CPA4: variants seen among roughly 807,000 people sequenced by gnomAD.
CPA4 encodes carboxypeptidase A3.
Under a neutral mutation model 54.7 loss-of-function variants are expected in CPA4, and 49 were observed. That is an observed-to-expected ratio of 0.90 (90% CI 0.71 to 1.14). The LOEUF (loss-of-function observed/expected upper bound fraction) is 1.14, where lower values mean the gene tolerates loss of function less well. Among genes scored for constraint, CPA4 ranks in the 50% most tolerant of loss-of-function variants. The pLI is 0.00. For missense variants in CPA4, 487 were observed against 525.1 expected (o/e 0.93, Z 0.71); for synonymous variants, 215 against 206.8 (o/e 1.04, Z -0.34).
In CPA4 at chr7:130,322,660, G is replaced by A. The variant is rs200631467; in HGVS notation, c.1250G>A (p.Arg417Gln). The A allele has an allele frequency of 1.1e-5, 17 of 1,613,670 alleles. No homozygotes were observed. Among genetic ancestry groups the A allele is most frequent in the Admixed American group, 1.7e-5 (1 of 59,968 alleles). ...CTGAAGACCATCATGGAGCATGTGC[G>A]GGACAACCTCTACTAGGCGATGGCT... is the stretch of plus-strand genomic sequence containing the variant. ...LGLKTIMEHV[R>Q]DNLY Residue 417 changes from arginine to glutamine, a missense_variant, in exon 11 of 11, where the codon CGG (arginine) becomes CAG (glutamine). Coordinates refer to ENST00000222482, the MANE Select transcript of CPA4 (RefSeq NM_016352.4).
chr7:130,305,896 C>T lies in CPA4; in HGVS notation c.567C>T (p.Ala189=). The part of the protein sequence containing the change: ...GIHSREWISQ[A]TAIWTARKIV... ...ATTCCCGAGAGTGGATCTCCCAGGC[C>T]ACTGCAATCTGGACGGCAAGGAAGG... The change falls in exon 6 of 11, where the codon GCC becomes GCT. Residue 189 remains alanine (A), a synonymous_variant. Transcript: ENST00000222482. 1 of 1,614,016 alleles carries T rather than the reference C, an allele frequency of 6.2e-7. No individual in the cohort carries two copies. The highest frequency in any genetic ancestry group is 8.5e-7 in the Non-Finnish European group (1 of 1,179,914).
At chr7:130,293,558 T>C (rs755391217) in intron 1 of CPA4, 4 of 287,946 alleles carry the variant, frequency 1.4e-5, no homozygotes, top group Non-Finnish European at 2.6e-5. Flanking sequence ...CCTTATTAAT[T>C]ACTAAGAGTT....
chr7:130,317,049 G>A (rs1167706260), intron 10 of CPA4, among the ~76,000 whole-genome samples: 1 of 152,084 alleles, frequency 6.6e-6, no homozygotes, highest in Non-Finnish European at 1.5e-5. Flanking sequence ...ATGGAGGTGA[G>A]CGCCTTATGG....
At chr7:130,298,248 A>G (rs1410408789) in intron 1 of CPA4, among the ~76,000 whole-genome samples, 1 of 152,230 alleles carries the variant, frequency 6.6e-6, no homozygotes, top group African/African-American at 2.4e-5. Context: ...TTCAGTCCTC[A>G]GCCCTGACAG....
chr7:130,302,294 C>A (rs1793750558), intron 4 of CPA4, among the ~76,000 whole-genome samples: 1 of 152,120 alleles, frequency 6.6e-6, no homozygotes, highest in African/African-American at 2.4e-5. Flanking sequence ...CAGGACCAGC[C>A]TGGCTAACAT....
In CPA4 at chr7:130,300,899, C is replaced by T. The variant is rs1793730550; in HGVS notation, c.369C>T (p.Tyr123=). 6.2e-7 allele frequency: 1 copy of T among 1,611,274 alleles called. No homozygotes were observed. Among genetic ancestry groups the T allele is most frequent in the African/African-American group, 1.3e-5 (1 of 74,972 alleles). The change falls in exon 4 of 11, where the codon TAC becomes TAT. Residue 123 remains tyrosine (Y), a synonymous_variant. Transcript: ENST00000222482. ...RSSNNFNYGA[Y]HSLEAIYHEM... ...GTAATAACTTCAACTACGGGGCTTA[C>T]CATTCCCTGGAAGCTGTAAGTGTTT...
chr7:130,323,336 C>T lies in CPA4; in HGVS notation c.*660C>T, dbSNP rs1167586210. 1.3e-5 allele frequency: 2 copies of T among 152,274 alleles called. No homozygotes were observed. Among genetic ancestry groups the T allele is most frequent in the Non-Finnish European group, 2.9e-5 (2 of 68,284 alleles). The allele number at this position is 152,274 out of a possible 1,614,324, so 9.4% of individuals were successfully genotyped here. The stretch of plus-strand genomic sequence containing the variant: ...CTGGGTTCAAGCAATTCTCCTGCCT[C>T]AGCCTCTTGAGTAGCTTGGTTTATA... On this transcript the variant is annotated 3_prime_UTR_variant, in exon 11 of 11. Coordinates refer to ENST00000222482, the MANE Select transcript of CPA4 (RefSeq NM_016352.4).
intron 7 of CPA4, 169 bp from the exon 8 acceptor site, chr7:130,308,138 C>G (rs549803999): frequency 3.2e-6 from 2 of 628,942 alleles, no homozygotes; most frequent in Non-Finnish European, 5.7e-6. Context: ...GGAAATACTC[C>G]TCTCTCTGCA....
chr7:130,321,874 G>A (rs1010923277), intron 10 of CPA4, among the ~76,000 whole-genome samples: 2 of 152,188 alleles, frequency 1.3e-5, no homozygotes, highest in African/African-American at 4.8e-5. Context: ...TGAGATTTGG[G>A]TGGGGACACA....
In CPA4 at chr7:130,300,894, GCT is replaced by G. The variant is rs769701398; in HGVS notation, c.365_366del (p.Ala122ValfsTer20). On this transcript the variant is annotated frameshift_variant, in exon 4 of 11. Transcript: ENST00000222482. LOFTEE classifies it high-confidence loss of function. ...ERSSNNFNYG[A>X]YHSLEAIYHE... ...GAGCAGTAATAACTTCAACTACGGGGCTTACCATTCCCTGGAAGCTGTAAGTG... is the reference window on the plus strand; with the variant it reads ...GAGCAGTAATAACTTCAACTACGGGGTACCATTCCCTGGAAGCTGTAAGTG... The G allele has an allele frequency of 6.2e-7, 1 of 1,612,280 alleles. No homozygotes were observed. The highest frequency in any genetic ancestry group is 1.1e-5 in the South Asian group (1 of 91,006).
intron 1 of CPA4, among the ~76,000 whole-genome samples, chr7:130,296,515 A>T (rs145659338): frequency 1.6e-3 from 240 of 152,266 alleles, no homozygotes; most frequent in African/African-American, 5.4e-3. Flanking sequence ...CATGATTTTC[A>T]TACTCAAAGA....
intron 10 of CPA4, among the ~76,000 whole-genome samples, chr7:130,313,540 C>T (rs780995672): frequency 2.0e-5 from 3 of 149,210 alleles, no homozygotes; most frequent in Non-Finnish European, 1.5e-5. Flanking sequence ...TATAAGGCTT[C>T]GGGCTATATT....
chr7:130,315,444 T>C (rs1053578156), intron 10 of CPA4, among the ~76,000 whole-genome samples: 2 of 151,996 alleles, frequency 1.3e-5, no homozygotes, highest in Non-Finnish European at 2.9e-5. Context: ...TTTTAGAATG[T>C]TATTCATTTT....
In CPA4 at chr7:130,322,758, C is replaced by G. The variant is rs1794137216; in HGVS notation, c.*82C>G. 3.6e-6 allele frequency: 5 copies of G among 1,399,434 alleles called. No individual in the cohort carries two copies. In the Middle Eastern group the frequency reaches 7.9e-4, roughly 221 times the overall value. 86.7% of individuals were successfully genotyped at this position (1,399,434 alleles called of 1,614,324 possible). A position where few individuals can be genotyped will look rare whatever the true frequency, so the allele number is the denominator to read the frequency against. ...CATTGTTAAAGGAGCTCTTTCCTAC[C>G]TGTGTGAGTCAGAGCCCTCTGGGTT... On this transcript the variant is annotated 3_prime_UTR_variant, in exon 11 of 11. Coordinates refer to ENST00000222482, the MANE Select transcript of CPA4 (RefSeq NM_016352.4).
chr7:130,304,663 G>A, intron 5 of CPA4, 84 bp downstream of exon 5: 1 of 853,188 alleles, frequency 1.2e-6, no homozygotes, highest in Non-Finnish European at 2.0e-6. Flanking sequence ...GTAGCTTTTT[G>A]AACTCCTTGA....
At chr7:130,311,536 C>T (rs141065589) in intron 9 of CPA4, among the ~76,000 whole-genome samples, 157 of 152,012 alleles carry the variant, frequency 1.0e-3, no homozygotes, top group Admixed American at 2.4e-3. Context: ...CACCCCCACC[C>T]GGCCTCTCAG....
intron 1 of CPA4, among the ~76,000 whole-genome samples, chr7:130,297,934 G>A (rs943444314): frequency 1.3e-5 from 2 of 152,140 alleles, no homozygotes; most frequent in East Asian, 1.9e-4. Flanking sequence ...CCCTGCCGCC[G>A]CTGCAGAAGC....
At chr7:130,313,779 T>C (rs1182250865) in intron 10 of CPA4, among the ~76,000 whole-genome samples, 1 of 152,184 alleles carries the variant, frequency 6.6e-6, no homozygotes, top group Non-Finnish European at 1.5e-5. Flanking sequence ...GGACACAGGT[T>C]CCAGTTTAGT....
chr7:130,305,906 T>C lies in CPA4; in HGVS notation c.577T>C (p.Trp193Arg), dbSNP rs1205242750. The C allele has an allele frequency of 6.2e-7, 1 of 1,613,844 alleles. No homozygotes were observed. Among genetic ancestry groups the C allele is most frequent in the East Asian group, 2.2e-5 (1 of 44,874 alleles). ...REWISQATAI[W>R]TARKIVSDYQ... ...GTGGATCTCCCAGGCCACTGCAATC[T>C]GGACGGCAAGGAAGGTCATGCTGCG... The change falls in exon 6 of 11, where the codon TGG (tryptophan) becomes CGG (arginine). Residue 193 changes from tryptophan (W) to arginine (R), a missense_variant. Coordinates refer to ENST00000222482, the MANE Select transcript of CPA4 (RefSeq NM_016352.4).
Sources: gnomAD v4.1 joint callset for allele counts (sites outside exome capture counted in the v4.1 genomes callset) on GRCh38, gnomAD v4.1.1 for gene constraint, MANE v1.5 for transcripts, NCBI Gene and HGNC (gene_info 2026-07-23, HGNC 2026-07-21) for gene names.